FUT8: variants seen among roughly 807,000 people sequenced by gnomAD.
FUT8 encodes the protein alpha-(1,6)-fucosyltransferase.
In FUT8, 29 loss-of-function variants were observed where a neutral mutation model predicts 71.3. That is an observed-to-expected ratio of 0.41 (90% CI 0.30 to 0.55). FUT8 has a LOEUF of 0.55. Among genes scored for constraint, FUT8 ranks in the 20% least tolerant of loss-of-function variants. FUT8 has a pLI of 0.34. For synonymous variants in FUT8, 254 were observed against 239.3 expected, an observed-to-expected ratio of 1.06 and a Z score of -0.57; for missense variants, 544 against 702.1, an observed-to-expected ratio of 0.77 and a Z score of 2.55.
chr14:65,402,828 TTGAAA>T, the FUT8 span, among the ~76,000 whole-genome samples: 1 of 152,306 alleles, frequency 6.6e-6, no homozygotes, highest in South Asian at 2.1e-4. Flanking sequence ...ATGATCAGTC[TTGAAA>T]TAAATACAAG....
At chr14:65,740,851 A>T (rs1896464393) in intron 10 of FUT8, among the ~76,000 whole-genome samples, 1 of 152,028 alleles carries the variant, frequency 6.6e-6, no homozygotes, top group Non-Finnish European at 1.5e-5. Flanking sequence ...TGGGCAGGTA[A>T]CACAAATCTA....
intron 7 of FUT8, among the ~76,000 whole-genome samples, chr14:65,707,949 GT>G (rs948231202): frequency 1.4e-4 from 22 of 152,200 alleles, no homozygotes; most frequent in Non-Finnish European, 2.6e-4. Flanking sequence ...GACTATTTGG[GT>G]TTTTTAGTGA....
intron 3 of FUT8, among the ~76,000 whole-genome samples, chr14:65,604,976 C>G (rs192859816): frequency 6.6e-6 from 1 of 151,860 alleles, no homozygotes; most frequent in Non-Finnish European, 1.5e-5. Context: ...ATGTATCATC[C>G]TACATATATG....
rs968771623 is a variant in FUT8 at position 65,557,907 on chromosome 14, A to G, written c.-227-3430A>G. On this transcript the variant is annotated intron_variant, in intron 2 of 10. Transcript: ENST00000673929. The stretch of plus-strand genomic sequence containing the variant: ...AACTATTTTTACTAATACTTTCACA[A>G]ATAAGTTGAGTGGTTGTCATATCAA... 3.3e-5 allele frequency among the ~76,000 whole-genome samples: 5 copies of G among 152,296 alleles called. 1 individual carries two copies. The highest frequency in any genetic ancestry group is 7.2e-5 in the African/African-American group (3 of 41,550).
chr14:65,655,075 C>T (rs1891604192), intron 6 of FUT8, among the ~76,000 whole-genome samples: 1 of 151,500 alleles, frequency 6.6e-6, no homozygotes, highest in South Asian at 2.1e-4. Context: ...AATGATCCAA[C>T]TATATGCTGT....
chr14:65,446,087 G>T (rs1294448254), intron 1 of FUT8, among the ~76,000 whole-genome samples: 3 of 152,210 alleles, frequency 2.0e-5, no homozygotes, highest in Non-Finnish European at 4.4e-5. Context: ...TATATCCTTA[G>T]ACACTGTAAT....
chr14:65,358,741 A>G, the FUT8 span, among the ~76,000 whole-genome samples: 1 of 152,158 alleles, frequency 6.6e-6, no homozygotes, highest in Non-Finnish European at 1.5e-5. Flanking sequence ...GTGAGCTACC[A>G]TGCCCTGCAT....
intron 2 of FUT8, among the ~76,000 whole-genome samples, chr14:65,519,716 A>G (rs1882956294): frequency 1.3e-5 from 2 of 152,222 alleles, no homozygotes; most frequent in South Asian, 2.1e-4. Context: ...AAAGAAATAT[A>G]GTTAACCAGA....
intron 2 of FUT8, among the ~76,000 whole-genome samples, chr14:65,495,104 C>A (rs2066538748): frequency 1.3e-5 from 2 of 149,628 alleles, no homozygotes; most frequent in Non-Finnish European, 3.0e-5. Flanking sequence ...CTTTCAGAAC[C>A]TTTTTTTTTC....
At chr14:65,742,036 A>G in intron 10 of FUT8, 57 bp from the exon 11 acceptor site, 2 of 1,451,348 alleles carry the variant, frequency 1.4e-6, no homozygotes, top group Non-Finnish European at 1.9e-6. Flanking sequence ...GGGCTTTTAG[A>G]TTGCTGTGAA....
At chr14:65,416,931 A>G (rs570729718) in intron 1 of FUT8, among the ~76,000 whole-genome samples, 1 of 151,944 alleles carries the variant, frequency 6.6e-6, no homozygotes, top group African/African-American at 2.4e-5. Context: ...TTATGGGTGC[A>G]TGCCACCATG....
intron 7 of FUT8, among the ~76,000 whole-genome samples, chr14:65,716,517 A>G (rs969893622): frequency 1.7e-4 from 26 of 151,788 alleles, no homozygotes; most frequent in Non-Finnish European, 3.1e-4. Flanking sequence ...GAGTTGACAC[A>G]GCACATGTTT....
chr14:65,528,673 A>C (rs8018695), intron 2 of FUT8, among the ~76,000 whole-genome samples: 2 of 152,086 alleles, frequency 1.3e-5, no homozygotes, highest in African/African-American at 2.4e-5. Context: ...AGCTGCTCCT[A>C]TTTGGCCATC....
At chr14:65,655,888 A>G (rs1442034889) in intron 6 of FUT8, among the ~76,000 whole-genome samples, 2 of 152,218 alleles carry the variant, frequency 1.3e-5, no homozygotes, top group African/African-American at 4.8e-5. Context: ...GATGCTGAAA[A>G]GCATTTAATA....
intron 2 of FUT8, among the ~76,000 whole-genome samples, chr14:65,504,237 G>A (rs2066690888): frequency 6.6e-6 from 1 of 152,246 alleles, no homozygotes; most frequent in South Asian, 2.1e-4. Context: ...AACTAAATTT[G>A]TTGACATTTG....
chr14:65,492,908 T>G (rs2139729578), intron 2 of FUT8, among the ~76,000 whole-genome samples: 1 of 152,108 alleles, frequency 6.6e-6, no homozygotes, highest in East Asian at 1.9e-4. Flanking sequence ...TGTCTCTGTC[T>G]CTCCCTCCCC....
chr14:65,585,798 A>G (rs1887349758), intron 3 of FUT8, among the ~76,000 whole-genome samples: 1 of 152,232 alleles, frequency 6.6e-6, no homozygotes, highest in South Asian at 2.1e-4. Flanking sequence ...ACAACTCAGC[A>G]TGTGGAAGTC....
intron 3 of FUT8, among the ~76,000 whole-genome samples, chr14:65,565,265 C>T (rs917583022): frequency 3.3e-5 from 5 of 151,956 alleles, no homozygotes; most frequent in African/African-American, 9.7e-5. Context: ...GGATCTAGCT[C>T]CATAACCCAA....
chr14:65,463,769 G>C (rs138586610), intron 2 of FUT8, among the ~76,000 whole-genome samples: 2 of 152,242 alleles, frequency 1.3e-5, no homozygotes, highest in East Asian at 3.9e-4. Flanking sequence ...TTTGGAGTCA[G>C]TATACTTATA....
Sources: allele counts gnomAD v4.1 joint callset (sites outside exome capture counted in the v4.1 genomes callset), GRCh38; gene constraint gnomAD v4.1.1; transcripts MANE v1.5; gene names NCBI Gene and HGNC (gene_info 2026-07-23, HGNC 2026-07-21).